HPSE2: variants seen among roughly 807,000 people sequenced by gnomAD.
HPSE2 encodes inactive heparanase-2.
In HPSE2, 38 loss-of-function variants were observed where a neutral mutation model predicts 60.5. The ratio of observed to expected loss-of-function variants is 0.63; its 90% CI spans 0.48 to 0.82. The LOEUF (loss-of-function observed/expected upper bound fraction) is 0.82. Among genes scored for constraint, HPSE2 ranks in the 40% least tolerant of loss-of-function variants. HPSE2 has a pLI of 0.00. For synonymous variants in HPSE2, 295 were observed against 293.2 expected (o/e 1.01, Z -0.06); for missense variants, 713 against 740.4 (o/e 0.96, Z 0.43).
At chr10:98,577,005 C>A (rs1449344117) in intron 9 of HPSE2, among the ~76,000 whole-genome samples, 1 of 151,818 alleles carries the variant, frequency 6.6e-6, no homozygotes, top group Admixed American at 6.6e-5. Context: ...TCTTGAAAAA[C>A]CCCTACGTTC....
At chr10:99,187,896 C>T (rs1390719000) in intron 2 of HPSE2, among the ~76,000 whole-genome samples, 1 of 152,108 alleles carries the variant, frequency 6.6e-6, no homozygotes, top group Non-Finnish European at 1.5e-5. Context: ...GGTATTTGCT[C>T]CAAAGAGATA....
chr10:98,842,918 C>A (rs949904701), intron 3 of HPSE2, among the ~76,000 whole-genome samples: 2 of 152,158 alleles, frequency 1.3e-5, no homozygotes, highest in Non-Finnish European at 2.9e-5. Context: ...ATACTTTTGC[C>A]TTTTCCAGAA....
In HPSE2 at chr10:98,980,672, G is replaced by A. The variant is rs1260564104; in HGVS notation, c.610+163566C>T. On this transcript the variant is annotated intron_variant, in intron 3 of 11. Transcript: ENST00000370552. ...TTACAGTAGCATACTCCTAAGTTAG[G>A]TTTACAGTCTTGTCTACCTACTAAG... Among the ~76,000 whole-genome samples the A allele has an allele frequency of 5.3e-5, 8 of 152,264 alleles. No individual in the cohort carries two copies. In the East Asian group the frequency reaches 1.5e-3, roughly 29 times the overall value.
chr10:98,477,183 T>G (rs931761976), intron 11 of HPSE2, among the ~76,000 whole-genome samples: 1 of 152,180 alleles, frequency 6.6e-6, no homozygotes, highest in Admixed American at 6.5e-5. Context: ...AGGCAGGAAT[T>G]ATTCTATATG....
At chr10:98,560,009 G>A (rs1944125212) in intron 9 of HPSE2, among the ~76,000 whole-genome samples, 1 of 152,150 alleles carries the variant, frequency 6.6e-6, no homozygotes, top group Non-Finnish European at 1.5e-5. Context: ...TGGAAAATAA[G>A]CTGGAGTCAG....
At chr10:99,314,630 G>A in the HPSE2 span, among the ~76,000 whole-genome samples, 3,188 of 152,234 alleles carry the variant, frequency 0.021, 122 homozygotes, top group Admixed American at 0.1. Context: ...CGGTATCCCC[G>A]AGGTATGGCT....
chr10:98,721,812 C>A lies in HPSE2; in HGVS notation c.801G>T (p.Arg267=). The A allele has an allele frequency of 6.2e-7, 1 of 1,613,272 alleles. No individual in the cohort carries two copies. Among genetic ancestry groups the A allele is most frequent in the South Asian group, 1.1e-5 (1 of 91,034 alleles). The change falls in exon 5 of 12, where the codon CGG becomes CGT. Residue 267 remains arginine, a synonymous_variant. Transcript: ENST00000370552. The stretch of plus-strand genomic sequence containing the variant: ...CATTTACTGCCCGGCCATGCATGGT[C>A]CGATAGTTATTTGGCTCTAGATTAA... The part of the protein sequence containing the change: ...WELGNEPNNY[R]TMHGRAVNGS...
At chr10:99,079,079 G>A (rs564910859) in intron 3 of HPSE2, among the ~76,000 whole-genome samples, 17 of 152,194 alleles carry the variant, frequency 1.1e-4, no homozygotes, top group African/African-American at 3.1e-4. Context: ...CATTTGTTCC[G>A]TATTGAGTCA....
At chr10:99,307,703 T>C in the HPSE2 span, among the ~76,000 whole-genome samples, 1 of 152,274 alleles carries the variant, frequency 6.6e-6, no homozygotes, top group African/African-American at 2.4e-5. Context: ...GATCCTTAAA[T>C]CCTTAACAAC....
At chr10:99,086,031 A>G (rs1228062016) in intron 3 of HPSE2, among the ~76,000 whole-genome samples, 1 of 152,200 alleles carries the variant, frequency 6.6e-6, no homozygotes, top group African/African-American at 2.4e-5. Flanking sequence ...GTGCTACTTA[A>G]GGCATTTCCA....
chr10:98,923,161 A>G (rs1262099199), intron 3 of HPSE2, among the ~76,000 whole-genome samples: 1 of 152,202 alleles, frequency 6.6e-6, no homozygotes, highest in Non-Finnish European at 1.5e-5. Context: ...ATATTTTCTC[A>G]AGATATACTA....
At chr10:98,698,335 C>G (rs1948292516) in intron 5 of HPSE2, among the ~76,000 whole-genome samples, 1 of 151,512 alleles carries the variant, frequency 6.6e-6, no homozygotes, top group South Asian at 2.1e-4. Context: ...GATTAAGAAA[C>G]TCACTCAAAA....
intron 3 of HPSE2, among the ~76,000 whole-genome samples, chr10:98,946,609 A>G (rs2135176648): frequency 6.6e-6 from 1 of 152,256 alleles, no homozygotes; most frequent in South Asian, 2.1e-4. Flanking sequence ...TCTGGGAACT[A>G]AAACTATCCT....
chr10:98,704,312 C>A (rs914960475), intron 5 of HPSE2, among the ~76,000 whole-genome samples: 1 of 151,950 alleles, frequency 6.6e-6, no homozygotes, highest in African/African-American at 2.4e-5. Flanking sequence ...GAATCAATAC[C>A]GTGAAAATGG....
chr10:98,477,231 C>T (rs868574851), intron 11 of HPSE2, among the ~76,000 whole-genome samples: 5 of 152,138 alleles, frequency 3.3e-5, no homozygotes, highest in Middle Eastern at 3.2e-3. Context: ...GAGATAATGG[C>T]TATTAAAGTT....
chr10:98,504,285 A>G (rs1942122320), intron 9 of HPSE2, among the ~76,000 whole-genome samples: 1 of 152,074 alleles, frequency 6.6e-6, no homozygotes, highest in Non-Finnish European at 1.5e-5. Context: ...GTTATTTACT[A>G]TGTTCAATGA....
intron 9 of HPSE2, among the ~76,000 whole-genome samples, chr10:98,526,971 G>A (rs992977207): frequency 2.0e-5 from 3 of 152,126 alleles, no homozygotes; most frequent in African/African-American, 7.2e-5. Flanking sequence ...AACCCACTCG[G>A]GTTTGTGCAG....
At chr10:99,047,957 A>G in intron 3 of HPSE2, 1 of 734,636 alleles carries the variant, frequency 1.4e-6, no homozygotes, top group Non-Finnish European at 2.5e-6. Context: ...AAAGGTCCGA[A>G]AGATGTTTCC....
intron 3 of HPSE2, among the ~76,000 whole-genome samples, chr10:98,776,533 G>T (rs1388867418): frequency 6.6e-6 from 1 of 152,044 alleles, no homozygotes; most frequent in Admixed American, 6.6e-5. Flanking sequence ...TATTTAAACA[G>T]AATCTAACAA....
Sources: allele counts gnomAD v4.1 joint callset (sites outside exome capture counted in the v4.1 genomes callset), GRCh38; gene constraint gnomAD v4.1.1; transcripts MANE v1.5; gene names NCBI Gene and HGNC (gene_info 2026-07-23, HGNC 2026-07-21).